Variants in PRKG1 observed in about 807,000 individuals in gnomAD.
The protein encoded by PRKG1 is protein kinase cGMP-dependent 1.
PRKG1 carries 35 observed loss-of-function variants against 88.1 expected under a neutral mutation model. The ratio of observed to expected loss-of-function variants is 0.40; its 90% CI spans 0.30 to 0.53. The LOEUF (loss-of-function observed/expected upper bound fraction) is 0.53. PRKG1 is among the 20% of genes least tolerant of loss of function. PRKG1 has a pLI of 0.59. For synonymous variants in PRKG1, 303 were observed against 292.5 expected (o/e 1.04, Z -0.37); for missense variants, 540 against 839.8 (o/e 0.64, Z 4.41).
intron 3 of PRKG1, among the ~76,000 whole-genome samples, chr10:51,510,392 A>G (rs1841359265): frequency 6.6e-6 from 1 of 152,184 alleles, no homozygotes; most frequent in Non-Finnish European, 1.5e-5. Flanking sequence ...TGCATTACAG[A>G]TATTGTGGAT....
At chr10:51,259,978 G>A (rs556590125) in intron 2 of PRKG1, among the ~76,000 whole-genome samples, 1 of 152,068 alleles carries the variant, frequency 6.6e-6, no homozygotes, top group South Asian at 2.1e-4. Context: ...CTAAAATATA[G>A]TACATTTCTG....
intron 4 of PRKG1, among the ~76,000 whole-genome samples, chr10:51,906,764 G>T (rs545119588): frequency 1.2e-4 from 19 of 152,252 alleles, no homozygotes; most frequent in African/African-American, 4.6e-4. Flanking sequence ...AAGCAAAGGG[G>T]ATTCTGTATA....
intron 5 of PRKG1, among the ~76,000 whole-genome samples, chr10:52,026,411 T>C (rs1845338078): frequency 6.6e-6 from 1 of 152,206 alleles, no homozygotes; most frequent in Non-Finnish European, 1.5e-5. Context: ...ACAGTGTGAA[T>C]GAACTTTGAG....
At chr10:51,398,037 C>T (rs1196695297) in intron 2 of PRKG1, among the ~76,000 whole-genome samples, 1 of 152,182 alleles carries the variant, frequency 6.6e-6, no homozygotes, top group East Asian at 1.9e-4. Context: ...CCTTCCGCCA[C>T]TCACCCATTC....
chr10:51,926,367 A>T (rs1842575880), intron 5 of PRKG1, among the ~76,000 whole-genome samples: 1 of 152,134 alleles, frequency 6.6e-6, no homozygotes, highest in African/African-American at 2.4e-5. Context: ...GCCTCTGTAG[A>T]TATTTGACCC....
chr10:51,710,902 T>C (rs757886109), intron 3 of PRKG1, among the ~76,000 whole-genome samples: 7 of 152,128 alleles, frequency 4.6e-5, no homozygotes, highest in Non-Finnish European at 1.0e-4. Flanking sequence ...TCTCCCTATG[T>C]TAGCCAGGGT....
chr10:52,126,699 C>T (rs1245892728), intron 7 of PRKG1, among the ~76,000 whole-genome samples: 2 of 151,032 alleles, frequency 1.3e-5, no homozygotes, highest in Non-Finnish European at 2.9e-5. Flanking sequence ...AAAAATGCTA[C>T]TGAAGGATAA....
At chr10:51,628,279 C>G (rs12767373) in intron 3 of PRKG1, among the ~76,000 whole-genome samples, 1 of 151,408 alleles carries the variant, frequency 6.6e-6, no homozygotes, top group Non-Finnish European at 1.5e-5. Context: ...AATCTATCCT[C>G]TGCTTTCTGA....
chr10:51,621,333 T>TAAA (rs10660619), intron 3 of PRKG1, among the ~76,000 whole-genome samples: 117,624 of 151,308 alleles, frequency 0.78, 46,284 homozygotes, highest in Middle Eastern at 0.92. Flanking sequence ...CTTTATACTT[T>TAAA]AAGTTTTTAA....
At chr10:51,222,059 T>C (rs1838550733) in intron 2 of PRKG1, among the ~76,000 whole-genome samples, 1 of 151,750 alleles carries the variant, frequency 6.6e-6, no homozygotes, top group African/African-American at 2.4e-5. Context: ...GTATTTGTAT[T>C]AGACACGGGG....
chr10:51,069,354 G>T (rs527237677), intron 1 of PRKG1, among the ~76,000 whole-genome samples: 1 of 151,444 alleles, frequency 6.6e-6, no homozygotes, highest in Non-Finnish European at 1.5e-5. Context: ...ATTCCTTATG[G>T]CCAAATCTAT....
chr10:51,189,715 G>A (rs1188174017), intron 2 of PRKG1, among the ~76,000 whole-genome samples: 3 of 151,506 alleles, frequency 2.0e-5, no homozygotes, highest in Non-Finnish European at 4.4e-5. Context: ...TAATATATCT[G>A]GAATTAAATT....
intron 2 of PRKG1, among the ~76,000 whole-genome samples, chr10:51,342,996 A>G (rs932616929): frequency 6.6e-6 from 1 of 152,200 alleles, no homozygotes; most frequent in African/African-American, 2.4e-5. Flanking sequence ...ACAGGAATTC[A>G]GGGGTAGGGG....
intron 9 of PRKG1, among the ~76,000 whole-genome samples, chr10:52,188,248 ATG>A (rs370527422): frequency 2.0e-4 from 1 of 5,056 alleles, no homozygotes; most frequent in South Asian, 0.013. Flanking sequence ...ATACATATAT[ATG>A]TGTATATATA....
chr10:52,042,784 C>T (rs1845781185), intron 5 of PRKG1, among the ~76,000 whole-genome samples: 1 of 152,086 alleles, frequency 6.6e-6, no homozygotes, highest in Admixed American at 6.6e-5. Flanking sequence ...AGTGAAGAGA[C>T]AGCCTGCAGA....
intron 3 of PRKG1, chr10:51,699,702 C>T: frequency 1.3e-6 from 1 of 753,030 alleles, no homozygotes; most frequent in South Asian, 1.8e-5. Context: ...GTGGAACCTG[C>T]ATCCCACTAA....
chr10:52,000,912 A>C (rs1341441817), intron 5 of PRKG1, among the ~76,000 whole-genome samples: 6 of 152,046 alleles, frequency 3.9e-5, no homozygotes, highest in Admixed American at 3.3e-4. Flanking sequence ...AAAAGCCATC[A>C]CAAGAATCTG....
intron 10 of PRKG1, among the ~76,000 whole-genome samples, chr10:52,257,039 T>G (rs34901353): frequency 0.031 from 4,264 of 139,470 alleles, 875 homozygotes; most frequent in Middle Eastern, 0.047. Flanking sequence ...TCCAGCCTTC[T>G]TAACCCATGG....
intron 9 of PRKG1, among the ~76,000 whole-genome samples, chr10:52,188,062 A>G (rs1839243408): frequency 6.6e-6 from 1 of 151,856 alleles, no homozygotes; most frequent in Non-Finnish European, 1.5e-5. Flanking sequence ...ACCACTAGGG[A>G]GTCATAAAGT....
Sources: gnomAD v4.1 joint callset for allele counts (sites outside exome capture counted in the v4.1 genomes callset) on GRCh38, gnomAD v4.1.1 for gene constraint, MANE v1.5 for transcripts, NCBI Gene and HGNC (gene_info 2026-07-23, HGNC 2026-07-21) for gene names.